CSMD1: variants seen among roughly 807,000 people sequenced by gnomAD.
CSMD1 encodes the protein CUB and Sushi multiple domains 1.
In CSMD1, 213 loss-of-function variants were observed where a neutral mutation model predicts 417.5. That is an observed-to-expected ratio of 0.51 (90% CI 0.46 to 0.57). The LOEUF is 0.57. Ranked by LOEUF, CSMD1 falls within the 20% of genes least tolerant of loss-of-function variation. The pLI, the probability that CSMD1 is intolerant of heterozygous loss-of-function variation, is 0.00. For synonymous variants in CSMD1, 2,862 were observed against 1,736.8 expected, an observed-to-expected ratio of 1.65 and a Z score of -16.11; for missense variants, 6,923 against 4,529.7, an observed-to-expected ratio of 1.53 and a Z score of -15.17.
At chr8:4,415,330 C>T (rs1006783068) in intron 3 of CSMD1, among the ~76,000 whole-genome samples, 1 of 152,188 alleles carries the variant, frequency 6.6e-6, no homozygotes, top group Non-Finnish European at 1.5e-5. Context: ...CTCTATGCTT[C>T]TGCAGGGATT....
intron 1 of CSMD1, among the ~76,000 whole-genome samples, chr8:4,679,235 C>T (rs1805887046): frequency 6.6e-6 from 1 of 152,174 alleles, no homozygotes; most frequent in Non-Finnish European, 1.5e-5. Flanking sequence ...GGCACTGTTG[C>T]TTTCCTGAGT....
chr8:4,204,323 T>G (rs1454102974), intron 3 of CSMD1, among the ~76,000 whole-genome samples: 1 of 152,076 alleles, frequency 6.6e-6, no homozygotes, highest in East Asian at 1.9e-4. Context: ...TCAGAATAGT[T>G]TTTTAAAAAT....
At position 4,446,248 on chromosome 8, in the gene CSMD1, C is replaced by T. The variant is rs570891175; in HGVS notation, c.303-26183G>A. Among the ~76,000 whole-genome samples the T allele has an allele frequency of 2.4e-4, 37 of 152,270 alleles. 2 individuals are homozygous for T. The South Asian group carries it at 7.5e-3, about 31-fold the overall frequency. ...CTAGGATACCTTTGGGACAGAAGATCACTTGAAGAGTGGACCCAGCTGGGA... is the reference window on the plus strand; with the variant it reads ...CTAGGATACCTTTGGGACAGAAGATTACTTGAAGAGTGGACCCAGCTGGGA... On this transcript the variant is annotated intron_variant, in intron 2 of 69. Transcript: ENST00000635120.
At chr8:2,961,689 A>G (rs1803505265) in intron 61 of CSMD1, among the ~76,000 whole-genome samples, 1 of 152,222 alleles carries the variant, frequency 6.6e-6, no homozygotes. Context: ...GAAAACCAAG[A>G]GTGACATTTT....
At chr8:3,423,322 T>A (rs907959531) in intron 12 of CSMD1, among the ~76,000 whole-genome samples, 6 of 152,228 alleles carry the variant, frequency 3.9e-5, no homozygotes, top group African/African-American at 1.4e-4. Flanking sequence ...ATATCCATTT[T>A]CAGTCCATTT....
At chr8:3,979,820 T>C (rs188581948) in intron 5 of CSMD1, among the ~76,000 whole-genome samples, 2 of 152,286 alleles carry the variant, frequency 1.3e-5, no homozygotes, top group African/African-American at 4.8e-5. Context: ...TACAAACCCA[T>C]GAAGAAAATG....
At chr8:4,063,112 T>C (rs530087101) in intron 3 of CSMD1, among the ~76,000 whole-genome samples, 40 of 152,262 alleles carry the variant, frequency 2.6e-4, no homozygotes, top group African/African-American at 9.1e-4. Flanking sequence ...AAGTTGACTA[T>C]AGCTAATAAT....
At chr8:3,691,803 G>A (rs997534514) in intron 7 of CSMD1, among the ~76,000 whole-genome samples, 4 of 152,098 alleles carry the variant, frequency 2.6e-5, no homozygotes, top group Non-Finnish European at 5.9e-5. Context: ...AAAAAAAAGA[G>A]GCAGTTTCAG....
intron 2 of CSMD1, among the ~76,000 whole-genome samples, chr8:4,560,239 C>A (rs1048142683): frequency 6.6e-6 from 1 of 152,230 alleles, no homozygotes; most frequent in Non-Finnish European, 1.5e-5. Context: ...TTGCTCATTT[C>A]CTGCCAAAGT....
intron 7 of CSMD1, among the ~76,000 whole-genome samples, chr8:3,698,971 G>T: frequency 6.6e-6 from 1 of 152,156 alleles, no homozygotes; most frequent in East Asian, 1.9e-4. Context: ...GCTGATGAAG[G>T]TCCTCACTCC....
intron 7 of CSMD1, among the ~76,000 whole-genome samples, chr8:3,618,075 C>T (rs1291991873): frequency 6.6e-6 from 1 of 152,070 alleles, no homozygotes; most frequent in African/African-American, 2.4e-5. Context: ...AATCATGGAT[C>T]ACTGCAGCCT....
intron 10 of CSMD1, among the ~76,000 whole-genome samples, chr8:3,523,849 G>A (rs1797626134): frequency 8.5e-6 from 1 of 117,606 alleles, no homozygotes; most frequent in South Asian, 2.8e-4. Context: ...AGACACATGT[G>A]CATGCGCATG....
At chr8:2,988,469 C>G (rs1806116092) in intron 54 of CSMD1, among the ~76,000 whole-genome samples, 1 of 152,098 alleles carries the variant, frequency 6.6e-6, no homozygotes, top group South Asian at 2.1e-4. Context: ...TCTAACTGGT[C>G]CCTCACTGAA....
At chr8:3,021,900 C>T (rs1464199784) in intron 51 of CSMD1, among the ~76,000 whole-genome samples, 2 of 149,256 alleles carry the variant, frequency 1.3e-5, no homozygotes, top group Non-Finnish European at 3.0e-5. Context: ...CACCTGCAAT[C>T]CCACAGCATC....
At chr8:3,619,978 T>C (rs1377334805) in intron 7 of CSMD1, among the ~76,000 whole-genome samples, 1 of 152,166 alleles carries the variant, frequency 6.6e-6, no homozygotes, top group South Asian at 2.1e-4. Flanking sequence ...GGCAGGCACC[T>C]GTAATCCCAG....
intron 3 of CSMD1, among the ~76,000 whole-genome samples, chr8:4,197,530 A>G (rs1055660931): frequency 2.6e-5 from 4 of 152,146 alleles, no homozygotes; most frequent in African/African-American, 9.7e-5. Flanking sequence ...CCCTTGCCTG[A>G]TGGTCTTCCA....
At chr8:3,412,286 G>T (rs1812860897) in intron 12 of CSMD1, among the ~76,000 whole-genome samples, 1 of 151,648 alleles carries the variant, frequency 6.6e-6, no homozygotes. Context: ...TGCAAATTGT[G>T]CTGCTATAAA....
intron 5 of CSMD1, among the ~76,000 whole-genome samples, chr8:3,948,927 A>G (rs1390323110): frequency 6.6e-6 from 1 of 152,174 alleles, no homozygotes; most frequent in Non-Finnish European, 1.5e-5. Flanking sequence ...TACAAAAAGC[A>G]TTAGTAGAAT....
At chr8:4,632,415 G>C (rs923256244) in intron 2 of CSMD1, among the ~76,000 whole-genome samples, 3 of 152,122 alleles carry the variant, frequency 2.0e-5, no homozygotes, top group Admixed American at 6.6e-5. Context: ...AGGAGGCTGA[G>C]ACAGCAGAAT....
Sources: allele counts gnomAD v4.1 joint callset (sites outside exome capture counted in the v4.1 genomes callset), GRCh38; gene constraint gnomAD v4.1.1; transcripts MANE v1.5; gene names NCBI Gene and HGNC (gene_info 2026-07-23, HGNC 2026-07-21).